Variants in DGKI observed in about 807,000 individuals in gnomAD.
DGKI encodes the protein DAG kinase iota.
A neutral mutation model predicts 147.5 loss-of-function variants in DGKI; 55 were observed. That is an observed-to-expected ratio of 0.37 (90% CI 0.30 to 0.47). The LOEUF (loss-of-function observed/expected upper bound fraction) is 0.47, where lower values mean the gene tolerates loss of function less well. Ranked by LOEUF, DGKI falls within the 20% of genes least tolerant of loss-of-function variation. The pLI, the probability that DGKI is intolerant of heterozygous loss-of-function variation, is 1.00. For missense variants in DGKI, 1,007 were observed against 1,323.8 expected, an observed-to-expected ratio of 0.76 and a Z score of 3.71; for synonymous variants, 469 against 477.1, an observed-to-expected ratio of 0.98 and a Z score of 0.22.
intron 1 of DGKI, among the ~76,000 whole-genome samples, chr7:137,825,708 TCA>T (rs1470744750): frequency 6.7e-6 from 1 of 150,312 alleles, no homozygotes; most frequent in South Asian, 2.1e-4. Context: ...ACACATACAC[TCA>T]CACACATACA....
chr7:137,590,757 A>C (rs1015629974), intron 12 of DGKI, among the ~76,000 whole-genome samples: 1 of 152,040 alleles, frequency 6.6e-6, no homozygotes, highest in Non-Finnish European at 1.5e-5. Context: ...GAGTGGTGCA[A>C]TCTCAGCTCA....
chr7:137,566,281 A>T (rs1257241970), intron 19 of DGKI, among the ~76,000 whole-genome samples: 1 of 152,158 alleles, frequency 6.6e-6, no homozygotes, highest in East Asian at 1.9e-4. Flanking sequence ...TTTTCAAATA[A>T]TTTACTTCCT....
chr7:137,822,177 C>T (rs1237738374), intron 1 of DGKI, among the ~76,000 whole-genome samples: 3 of 152,110 alleles, frequency 2.0e-5, no homozygotes, highest in African/African-American at 4.8e-5. Flanking sequence ...GAGGCTGAGG[C>T]GGTTGGATCA....
intron 14 of DGKI, among the ~76,000 whole-genome samples, chr7:137,584,276 G>GTGT (rs1563097666): frequency 1.3e-5 from 2 of 152,094 alleles, no homozygotes; most frequent in East Asian, 1.9e-4. Context: ...CACACCTGGA[G>GTGT]ATTCTTACAC....
chr7:137,839,373 T>C (rs1219781276), intron 1 of DGKI, among the ~76,000 whole-genome samples: 3 of 152,272 alleles, frequency 2.0e-5, no homozygotes, highest in East Asian at 1.9e-4. Context: ...TGAATAATTT[T>C]ATCACCAGCT....
intron 15 of DGKI, among the ~76,000 whole-genome samples, chr7:137,580,908 T>C (rs1819164802): frequency 1.3e-5 from 2 of 152,146 alleles, no homozygotes; most frequent in African/African-American, 4.8e-5. Context: ...TGACTTTATC[T>C]CACAAGTCTC....
At chr7:137,410,663 G>A (rs1198631911) in intron 29 of DGKI, among the ~76,000 whole-genome samples, 1 of 152,202 alleles carries the variant, frequency 6.6e-6, no homozygotes, top group Non-Finnish European at 1.5e-5. Flanking sequence ...GAAATCAGTT[G>A]CCTGAACTAA....
At chr7:137,831,228 C>T (rs968312446) in intron 1 of DGKI, among the ~76,000 whole-genome samples, 2 of 152,162 alleles carry the variant, frequency 1.3e-5, no homozygotes, top group African/African-American at 4.8e-5. Context: ...TTTTTTTAAA[C>T]CACCTAGTTA....
intron 28 of DGKI, among the ~76,000 whole-genome samples, chr7:137,414,664 C>A (rs1408571521): frequency 2.0e-5 from 3 of 152,070 alleles, no homozygotes; most frequent in South Asian, 4.1e-4. Flanking sequence ...ATAATACAGA[C>A]CCTGTGTGAG....
intron 15 of DGKI, among the ~76,000 whole-genome samples, chr7:137,579,895 A>G (rs1819128787): frequency 6.6e-6 from 1 of 152,146 alleles, no homozygotes; most frequent in African/African-American, 2.4e-5. Flanking sequence ...TCCACTCTAA[A>G]ATAGTCCTAC....
At chr7:137,427,690 T>C (rs10264992) in intron 28 of DGKI, among the ~76,000 whole-genome samples, 63,630 of 150,792 alleles carry the variant, frequency 0.42, 13,936 homozygotes, top group East Asian at 0.74. Context: ...AAGAATCAAA[T>C]AGATGCAATA....
chr7:137,468,021 TTA>T (rs1563036756), intron 24 of DGKI, among the ~76,000 whole-genome samples: 1 of 149,090 alleles, frequency 6.7e-6, no homozygotes, highest in African/African-American at 2.5e-5. Flanking sequence ...CCAAAAAGAA[TTA>T]TGTGCTTCTC....
chr7:137,664,612 C>T (rs149043383), intron 3 of DGKI, among the ~76,000 whole-genome samples: 5 of 152,224 alleles, frequency 3.3e-5, no homozygotes, highest in East Asian at 1.9e-4. Flanking sequence ...TGTATTACTG[C>T]GGCTCATGTG....
At chr7:137,537,711 G>A (rs116750296) in intron 20 of DGKI, among the ~76,000 whole-genome samples, 373 of 152,248 alleles carry the variant, frequency 2.4e-3, no homozygotes, top group African/African-American at 8.7e-3. Flanking sequence ...GCCCATGAGT[G>A]CGATTCATTC....
chr7:137,561,389 T>G (rs1036121477), intron 19 of DGKI, among the ~76,000 whole-genome samples: 8 of 151,934 alleles, frequency 5.3e-5, no homozygotes, highest in Middle Eastern at 3.4e-3. Flanking sequence ...AAGTAAAAAG[T>G]AGAACAGAGG....
intron 1 of DGKI, among the ~76,000 whole-genome samples, chr7:137,723,447 C>T (rs1794625069): frequency 1.3e-5 from 2 of 152,174 alleles, no homozygotes; most frequent in Admixed American, 6.5e-5. Flanking sequence ...TGGTTACTGA[C>T]GTTGCTATTC....
At chr7:137,837,226 C>T (rs1171981815) in intron 1 of DGKI, among the ~76,000 whole-genome samples, 1 of 152,222 alleles carries the variant, frequency 6.6e-6, no homozygotes, top group Non-Finnish European at 1.5e-5. Context: ...GCTCTTGACA[C>T]AGTGTAAGCA....
intron 1 of DGKI, among the ~76,000 whole-genome samples, chr7:137,740,379 CCT>C (rs1795142260): frequency 6.6e-6 from 1 of 152,118 alleles, no homozygotes; most frequent in African/African-American, 2.4e-5. Context: ...AGGGAGGACC[CCT>C]GAGGTCAGAT....
rs974352611 is a variant in DGKI at position 137,387,188 on chromosome 7, A to G, written c.*4032T>C. On this transcript the variant is annotated 3_prime_UTR_variant, in exon 33 of 33. Coordinates refer to ENST00000614521, the MANE Select transcript of DGKI (RefSeq NM_001321708.2). ...AACAGCCTTGTAAAGTGGTGTAAGC[A>G]TCACAGAGGAAAGAACTCTCCTTTA... 2 of 152,152 alleles carry G rather than the reference A, an allele frequency of 1.3e-5. No individual in the cohort carries two copies. The highest frequency in any genetic ancestry group is 2.9e-5 in the Non-Finnish European group (2 of 68,014). The allele number at this position is 152,152 out of a possible 1,614,324, so 9.4% of individuals were successfully genotyped here.
Sources: gnomAD v4.1 joint callset for allele counts (sites outside exome capture counted in the v4.1 genomes callset) on GRCh38, gnomAD v4.1.1 for gene constraint, MANE v1.5 for transcripts, NCBI Gene and HGNC (gene_info 2026-07-23, HGNC 2026-07-21) for gene names.